The following PRKG1 variants were observed in gnomAD, a reference collection of about 807,000 sequenced individuals.
The protein encoded by PRKG1 is protein kinase cGMP-dependent 1, also known as cGMP-dependent protein kinase 1.
A neutral mutation model predicts 88.1 loss-of-function variants in PRKG1; 35 were observed. That is an observed-to-expected ratio of 0.40 (90% CI 0.30 to 0.53). The LOEUF (loss-of-function observed/expected upper bound fraction) is 0.53, where lower values mean the gene tolerates loss of function less well. Among genes scored for constraint, PRKG1 ranks in the 20% least tolerant of loss-of-function variants. The pLI is 0.59. For missense variants in PRKG1, 540 were observed against 839.8 expected (o/e 0.64, Z 4.41); for synonymous variants, 303 against 292.5 (o/e 1.04, Z -0.37).
intron 2 of PRKG1, among the ~76,000 whole-genome samples, chr10:51,326,000 G>A (rs1351454009): frequency 6.6e-6 from 1 of 152,164 alleles, no homozygotes; most frequent in Non-Finnish European, 1.5e-5. Context: ...TTGATGAGGT[G>A]CCAAGCAACC....
intron 3 of PRKG1, among the ~76,000 whole-genome samples, chr10:51,655,375 G>A (rs190645899): frequency 6.6e-6 from 1 of 152,206 alleles, no homozygotes; most frequent in East Asian, 1.9e-4. Context: ...GCATATAATG[G>A]ATACTTTGTA....
rs147969177 is a variant in PRKG1 at position 51,247,240 on chromosome 10, T to C, written c.478+93910T>C. Among the ~76,000 whole-genome samples the C allele has an allele frequency of 3.3e-3, 495 of 152,112 alleles. 2 individuals carry two copies. Among genetic ancestry groups the C allele is most frequent in the African/African-American group, 0.011 (476 of 41,534 alleles). ...AGTTTTTGGTGCACTGGGAAAATGA[T>C]TCAAGTATACTGACAGTTTTTATTA... On this transcript the variant is annotated intron_variant, in intron 2 of 17. Transcript: ENST00000373980.
At chr10:51,528,458 T>C (rs1002261131) in intron 3 of PRKG1, among the ~76,000 whole-genome samples, 4 of 151,928 alleles carry the variant, frequency 2.6e-5, no homozygotes, top group African/African-American at 9.7e-5. Context: ...GAAAAGTTGG[T>C]AGGGCATATT....
chr10:51,761,205 G>A (rs1301706205), intron 3 of PRKG1, among the ~76,000 whole-genome samples: 1 of 152,192 alleles, frequency 6.6e-6, no homozygotes, highest in Non-Finnish European at 1.5e-5. Context: ...TGATAATGAT[G>A]ACTTGCTCCT....
At chr10:51,506,404 C>T (rs912532706) in intron 3 of PRKG1, among the ~76,000 whole-genome samples, 3 of 152,024 alleles carry the variant, frequency 2.0e-5, no homozygotes, top group African/African-American at 7.2e-5. Context: ...GCAATCTACT[C>T]ATCTGACAAA....
intron 3 of PRKG1, among the ~76,000 whole-genome samples, chr10:51,604,561 C>T (rs1162641726): frequency 6.6e-6 from 1 of 152,190 alleles, no homozygotes; most frequent in Non-Finnish European, 1.5e-5. Context: ...AAAGTGGATG[C>T]AATGTAAATT....
intron 2 of PRKG1, among the ~76,000 whole-genome samples, chr10:51,257,671 C>T (rs1445856482): frequency 6.6e-6 from 1 of 152,002 alleles, no homozygotes; most frequent in Non-Finnish European, 1.5e-5. Context: ...GCTTAGCCAA[C>T]TCTGCAGAAA....
At chr10:51,941,964 C>T (rs530090336) in intron 5 of PRKG1, among the ~76,000 whole-genome samples, 1 of 152,108 alleles carries the variant, frequency 6.6e-6, no homozygotes, top group East Asian at 1.9e-4. Context: ...TGGGTATATA[C>T]CCAGTAAGGG....
At chr10:51,871,367 C>A (rs1335153640) in intron 4 of PRKG1, among the ~76,000 whole-genome samples, 1 of 152,132 alleles carries the variant, frequency 6.6e-6, no homozygotes, top group Non-Finnish European at 1.5e-5. Context: ...CATGTGTGAT[C>A]CCACGTCTTC....
chr10:51,007,086 C>T, intron 1 of PRKG1, among the ~76,000 whole-genome samples: 1 of 151,928 alleles, frequency 6.6e-6, no homozygotes, highest in South Asian at 2.1e-4. Context: ...TTACAGGTGC[C>T]CACCACCACA....
At chr10:52,043,906 A>G (rs1845805586) in intron 5 of PRKG1, among the ~76,000 whole-genome samples, 1 of 104,466 alleles carries the variant, frequency 9.6e-6, no homozygotes, top group Admixed American at 1.3e-4. Context: ...TGAAGAGCCC[A>G]GTTAAACATA....
intron 3 of PRKG1, among the ~76,000 whole-genome samples, chr10:51,635,358 T>C (rs1274436000): frequency 6.6e-6 from 1 of 151,118 alleles, no homozygotes; most frequent in Admixed American, 6.6e-5. Context: ...ATGCAATATG[T>C]AAATATAAGC....
intron 2 of PRKG1, among the ~76,000 whole-genome samples, chr10:51,172,632 G>C (rs192067075): frequency 0.011 from 651 of 60,036 alleles, 8 homozygotes; most frequent in African/African-American, 0.045. Context: ...ATGTATGTAT[G>C]TATGTATGTA....
At chr10:51,580,293 T>C (rs549857210) in intron 3 of PRKG1, among the ~76,000 whole-genome samples, 1 of 152,304 alleles carries the variant, frequency 6.6e-6, no homozygotes, top group Non-Finnish European at 1.5e-5. Flanking sequence ...CTTTACTTAT[T>C]GTTAAAACTT....
intron 3 of PRKG1, among the ~76,000 whole-genome samples, chr10:51,763,994 A>G (rs936514013): frequency 5.9e-5 from 9 of 152,210 alleles, no homozygotes; most frequent in Non-Finnish European, 1.2e-4. Context: ...TAATCCATTC[A>G]TGAAGTCAGA....
chr10:51,202,568 C>T (rs1437091256), intron 2 of PRKG1, among the ~76,000 whole-genome samples: 1 of 152,160 alleles, frequency 6.6e-6, no homozygotes, highest in African/African-American at 2.4e-5. Flanking sequence ...ATAGACTCTT[C>T]TAAAGGAATG....
chr10:51,134,057 T>G (rs111794186), intron 1 of PRKG1, among the ~76,000 whole-genome samples: 7 of 152,218 alleles, frequency 4.6e-5, no homozygotes, highest in African/African-American at 1.7e-4. Flanking sequence ...TTAAAAGTCT[T>G]ACAGATCTCA....
intron 5 of PRKG1, among the ~76,000 whole-genome samples, chr10:51,929,385 C>T (rs1047729601): frequency 4.0e-5 from 5 of 124,238 alleles, no homozygotes; most frequent in African/African-American, 6.2e-5. Flanking sequence ...AAGTCTCATT[C>T]GGTGGCCCAG....
intron 1 of PRKG1, among the ~76,000 whole-genome samples, chr10:51,024,223 T>C (rs1289952129): frequency 6.6e-6 from 1 of 152,064 alleles, no homozygotes; most frequent in East Asian, 1.9e-4. Context: ...ATAATTTCTG[T>C]TTTTTCCATG....
Sources: allele counts gnomAD v4.1 joint callset (sites outside exome capture counted in the v4.1 genomes callset), GRCh38; gene constraint gnomAD v4.1.1; transcripts MANE v1.5; gene names NCBI Gene and HGNC (gene_info 2026-07-23, HGNC 2026-07-21).